CYP2C18: variants seen among roughly 807,000 people sequenced by gnomAD.
CYP2C18 encodes the protein cytochrome P450 family 2 subfamily C member 18.
In CYP2C18, 38 loss-of-function variants were observed where a neutral mutation model predicts 41.3. That is an observed-to-expected ratio of 0.92 (90% confidence interval 0.71 to 1.21). The LOEUF (loss-of-function observed/expected upper bound fraction) is 1.21. CYP2C18 is among the 50% of genes most tolerant of loss of function. CYP2C18 has a pLI of 0.00. For missense variants in CYP2C18, 635 were observed against 591.4 expected, an observed-to-expected ratio of 1.07 and a Z score of -0.77; for synonymous variants, 236 against 210.0, an observed-to-expected ratio of 1.12 and a Z score of -1.07.
At chr10:94,734,616 G>A (rs1449830749) in intron 8 of CYP2C18, among the ~76,000 whole-genome samples, 1 of 152,116 alleles carries the variant, frequency 6.6e-6, no homozygotes, top group Non-Finnish European at 1.5e-5. Flanking sequence ...GACAGCAAGA[G>A]ATAAAGCTTG....
chr10:94,712,862 C>T (rs1847463320), intron 5 of CYP2C18, among the ~76,000 whole-genome samples: 1 of 152,076 alleles, frequency 6.6e-6, no homozygotes, highest in African/African-American at 2.4e-5. Context: ...TTTTTTCTCT[C>T]TTTGATAATA....
intron 7 of CYP2C18, among the ~76,000 whole-genome samples, chr10:94,727,650 T>C (rs184715293): frequency 6.6e-6 from 1 of 151,554 alleles, no homozygotes; most frequent in East Asian, 1.9e-4. Context: ...AGAAAAGAAA[T>C]ATCATGTATT....
intron 5 of CYP2C18, among the ~76,000 whole-genome samples, chr10:94,711,121 GC>G (rs1344965354): frequency 6.6e-6 from 1 of 152,076 alleles, no homozygotes; most frequent in Non-Finnish European, 1.5e-5. Context: ...CTTGTCCTAA[GC>G]ATCTCCATTG....
rs755810046 is a variant in CYP2C18 at position 94,735,259 on chromosome 10, T to G, written c.1292-4T>G. Reference sequence around the variant, plus strand: ...AACAAATCCCCTATGTCTCTTATTTTCAGGAAAACGGATGTGTATGGGAGA... The same window carrying G: ...AACAAATCCCCTATGTCTCTTATTTGCAGGAAAACGGATGTGTATGGGAGA... On this transcript the variant is annotated splice_region_variant and splice_polypyrimidine_tract_variant and intron_variant, in intron 8 of 8. Coordinates refer to ENST00000285979, the MANE Select transcript of CYP2C18 (RefSeq NM_000772.3). 6.2e-7 allele frequency: 1 copy of G among 1,613,294 alleles called. No homozygotes were observed. Among genetic ancestry groups the G allele is most frequent in the Admixed American group, 1.7e-5 (1 of 59,916 alleles).
intron 4 of CYP2C18, among the ~76,000 whole-genome samples, chr10:94,704,599 A>G (rs908138314): frequency 1.3e-5 from 2 of 152,142 alleles, no homozygotes; most frequent in African/African-American, 4.8e-5. Context: ...GGTCTTTCAG[A>G]TTGGCTGGAG....
chr10:94,734,800 T>A (rs1384694804), intron 8 of CYP2C18, among the ~76,000 whole-genome samples: 1 of 152,112 alleles, frequency 6.6e-6, no homozygotes, highest in Non-Finnish European at 1.5e-5. Flanking sequence ...TGTTTAAAGT[T>A]GTAAAATGAG....
chr10:94,705,173 A>G lies in CYP2C18; in HGVS notation c.643-1611A>G, dbSNP rs117263024. Among the ~76,000 whole-genome samples the G allele has an allele frequency of 4.6e-3, 707 of 152,308 alleles. 4 individuals are homozygous for G. The highest frequency in any genetic ancestry group is 0.011 in the African/African-American group (465 of 41,574). On this transcript the variant is annotated intron_variant, in intron 4 of 8. Coordinates refer to ENST00000285979, the MANE Select transcript of CYP2C18 (RefSeq NM_000772.3). The stretch of plus-strand genomic sequence containing the variant: ...GCTTACATATGCATCATGGAATACT[A>G]TGTAGCCATAAAAAGGAATGAGATT...
intron 4 of CYP2C18, among the ~76,000 whole-genome samples, chr10:94,701,059 G>A (rs1360508875): frequency 1.3e-5 from 2 of 152,230 alleles, no homozygotes; most frequent in Non-Finnish European, 2.9e-5. Flanking sequence ...AAGTCAGTGT[G>A]ATGATTCCTC....
At chr10:94,716,966 G>T (rs982686735) in intron 5 of CYP2C18, among the ~76,000 whole-genome samples, 3 of 152,086 alleles carry the variant, frequency 2.0e-5, no homozygotes, top group Non-Finnish European at 1.5e-5. Flanking sequence ...GATCTTTGTT[G>T]GTTTAAAGTC....
intron 6 of CYP2C18, 100 bp from the exon 7 acceptor site, chr10:94,724,246 G>T: frequency 8.6e-7 from 1 of 1,165,952 alleles, no homozygotes; most frequent in East Asian, 2.3e-5. Context: ...AGTTTATAAT[G>T]ATGTTGGGAC....
chr10:94,687,300 A>C (rs1395519718), intron 1 of CYP2C18, among the ~76,000 whole-genome samples: 1 of 152,192 alleles, frequency 6.6e-6, no homozygotes, highest in Non-Finnish European at 1.5e-5. Flanking sequence ...GGACTCCTGC[A>C]TCAGGATCCC....
intron 4 of CYP2C18, among the ~76,000 whole-genome samples, chr10:94,696,877 T>A (rs1394240755): frequency 4.0e-5 from 6 of 151,802 alleles, no homozygotes; most frequent in African/African-American, 1.5e-4. Flanking sequence ...AGAAAGGGTA[T>A]CAGTGGTGGA....
chr10:94,728,918 C>T (rs1847786959), intron 7 of CYP2C18, among the ~76,000 whole-genome samples: 1 of 152,052 alleles, frequency 6.6e-6, no homozygotes, highest in South Asian at 2.1e-4. Flanking sequence ...AACAGTCTTG[C>T]TAATTTTTCA....
chr10:94,694,618 A>AT (rs536816463), intron 3 of CYP2C18, among the ~76,000 whole-genome samples: 142 of 151,974 alleles, frequency 9.3e-4, no homozygotes, highest in African/African-American at 2.2e-3. Flanking sequence ...GGCCTCTTTA[A>AT]TTTTTTTTGT....
chr10:94,706,755 A>C, intron 4 of CYP2C18, 29 bp from the exon 5 acceptor site: 2 of 1,320,660 alleles, frequency 1.5e-6, no homozygotes, highest in African/African-American at 1.5e-5. Context: ...ACATGTGTTT[A>C]ATTTAATTAA....
intron 7 of CYP2C18, chr10:94,728,734 CCTCA>C (rs1176289066): frequency 2.3e-5 from 8 of 342,138 alleles, no homozygotes; most frequent in Middle Eastern, 1.5e-3. Context: ...TCCAAATTCT[CCTCA>C]CTTTTTTTTT....
intron 1 of CYP2C18, among the ~76,000 whole-genome samples, chr10:94,686,325 A>G (rs947691315): frequency 6.6e-6 from 1 of 152,132 alleles, no homozygotes; most frequent in African/African-American, 2.4e-5. Flanking sequence ...AGATTATTTC[A>G]TCAGGAAACA....
At chr10:94,728,699 A>C (rs1564649188) in intron 7 of CYP2C18, 1 of 602,320 alleles carries the variant, frequency 1.7e-6, no homozygotes, top group Non-Finnish European at 2.1e-6. Flanking sequence ...TCAGACCTCC[A>C]TTTTAAAAAA....
At chr10:94,728,206 T>C (rs568539490) in intron 7 of CYP2C18, among the ~76,000 whole-genome samples, 12 of 152,258 alleles carry the variant, frequency 7.9e-5, no homozygotes, top group African/African-American at 2.6e-4. Context: ...AAAATGTTGC[T>C]CAGTCTGGTT....
Sources: gnomAD v4.1 joint callset for allele counts (sites outside exome capture counted in the v4.1 genomes callset) on GRCh38, gnomAD v4.1.1 for gene constraint, MANE v1.5 for transcripts, NCBI Gene and HGNC (gene_info 2026-07-23, HGNC 2026-07-21) for gene names.